The following SSBP3 variants were observed in gnomAD, a reference collection of about 807,000 sequenced individuals.
SSBP3 encodes single-stranded DNA-binding protein 3.
SSBP3 carries 5 observed loss-of-function variants against 69.6 expected under a neutral mutation model. The ratio of observed to expected loss-of-function variants is 0.07; its 90% CI spans 0.04 to 0.15. The LOEUF (loss-of-function observed/expected upper bound fraction) is 0.15, where lower values mean the gene tolerates loss of function less well. SSBP3 is among the 10% of genes least tolerant of loss of function. The pLI is 1.00. For synonymous variants in SSBP3, 196 were observed against 193.4 expected (o/e 1.01, Z -0.11); for missense variants, 312 against 534.0 (o/e 0.58, Z 4.10).
At chr1:54,253,249 T>C (rs1644864450) in intron 7 of SSBP3, among the ~76,000 whole-genome samples, 1 of 149,938 alleles carries the variant, frequency 6.7e-6, no homozygotes, top group Non-Finnish European at 1.5e-5. Context: ...TGGAATGCAG[T>C]AGTGTGATCA....
rs747409086 is a variant in SSBP3 at position 54,362,357 on chromosome 1, TC to T, written c.276+39503del. The stretch of plus-strand genomic sequence containing the variant: ...GCCAGCATCCTTTGAGACAGAGCAG[TC>T]CCCAGGGTCTCTCTCTCCACAAACC... On this transcript the variant is annotated intron_variant, in intron 4 of 17. Transcript: ENST00000610401. Among the ~76,000 whole-genome samples the T allele has an allele frequency of 6.6e-5, 10 of 152,092 alleles. 1 individual carries two copies. The highest frequency in any genetic ancestry group is 5.9e-4 in the Admixed American group (9 of 15,268).
chr1:54,401,520 T>C (rs1267025912), intron 4 of SSBP3, among the ~76,000 whole-genome samples: 1 of 152,212 alleles, frequency 6.6e-6, no homozygotes, highest in Non-Finnish European at 1.5e-5. Flanking sequence ...CAATTTCTTC[T>C]TAAACCAACA....
intron 4 of SSBP3, among the ~76,000 whole-genome samples, chr1:54,298,529 G>C (rs1198056954): frequency 6.6e-6 from 1 of 152,202 alleles, no homozygotes; most frequent in Non-Finnish European, 1.5e-5. Flanking sequence ...CCCGGCTCCA[G>C]GAGAAAGCTG....
intron 3 of SSBP3, among the ~76,000 whole-genome samples, chr1:54,404,244 CTAAT>C (rs1393712519): frequency 6.6e-6 from 1 of 152,202 alleles, no homozygotes; most frequent in South Asian, 2.1e-4. Context: ...CCCCACTCCT[CTAAT>C]TAAAGCAACA....
At chr1:54,326,701 A>C (rs1468889036) in intron 4 of SSBP3, among the ~76,000 whole-genome samples, 1 of 152,096 alleles carries the variant, frequency 6.6e-6, no homozygotes, top group East Asian at 1.9e-4. Context: ...CGTTCCACCC[A>C]TTGCCCTTGT....
intron 4 of SSBP3, among the ~76,000 whole-genome samples, chr1:54,316,808 C>T (rs746028232): frequency 5.3e-5 from 8 of 151,910 alleles, no homozygotes; most frequent in Non-Finnish European, 1.0e-4. Flanking sequence ...AAATGTATTG[C>T]TCACAGTTCC....
chr1:54,387,547 C>T (rs761254680), intron 4 of SSBP3, among the ~76,000 whole-genome samples: 21 of 152,002 alleles, frequency 1.4e-4, no homozygotes, highest in Non-Finnish European at 2.8e-4. Flanking sequence ...GGGAAAAACA[C>T]GTCTGTTTCT....
exon 1 of SSBP3, chr1:54,406,095 C>G: frequency 9.0e-7 from 1 of 1,108,512 alleles, no homozygotes; most frequent in South Asian, 1.9e-5. Flanking sequence ...CCCCTCGCTC[C>G]CGGCCCCCTC....
At chr1:54,297,197 T>C (rs1239169538) in intron 4 of SSBP3, among the ~76,000 whole-genome samples, 1 of 152,210 alleles carries the variant, frequency 6.6e-6, no homozygotes, top group Non-Finnish European at 1.5e-5. Flanking sequence ...TAACCCTGAA[T>C]CAGGTCCTTT....
chr1:54,230,015 G>C (rs1557436677), intron 14 of SSBP3, among the ~76,000 whole-genome samples: 1 of 152,260 alleles, frequency 6.6e-6, no homozygotes, highest in Admixed American at 6.5e-5. Context: ...AATCTGGGCA[G>C]GCAGAGCCCA....
intron 4 of SSBP3, among the ~76,000 whole-genome samples, chr1:54,401,599 G>A (rs2100813864): frequency 6.6e-6 from 1 of 152,224 alleles, no homozygotes; most frequent in East Asian, 1.9e-4. Context: ...TCTGAGTCCT[G>A]TACAACACCA....
chr1:54,407,997 A>G (rs1013872693), upstream of SSBP3, among the ~76,000 whole-genome samples: 1 of 152,164 alleles, frequency 6.6e-6, no homozygotes, highest in African/African-American at 2.4e-5. Flanking sequence ...GCCCCGCAGC[A>G]AAAGAATCTG....
intron 4 of SSBP3, among the ~76,000 whole-genome samples, chr1:54,368,801 A>G (rs1225670177): frequency 1.3e-5 from 2 of 152,202 alleles, no homozygotes; most frequent in African/African-American, 4.8e-5. Flanking sequence ...CACCCTGGAT[A>G]TGGCAGGGAG....
At chr1:54,238,564 G>A (rs1434360636) in intron 14 of SSBP3, 2 of 346,196 alleles carry the variant, frequency 5.8e-6, no homozygotes, top group Non-Finnish European at 1.2e-5. Flanking sequence ...GACACAGGAG[G>A]AAGTGGGGCA....
chr1:54,316,660 T>TAAAA (rs1329947274), intron 4 of SSBP3, among the ~76,000 whole-genome samples: 1 of 27,600 alleles, frequency 3.6e-5, no homozygotes, highest in African/African-American at 1.6e-4. Flanking sequence ...AAAAAAAAAA[T>TAAAA]AAAATAAATA....
At chr1:54,340,643 G>A (rs1251964169) in intron 4 of SSBP3, among the ~76,000 whole-genome samples, 1 of 152,242 alleles carries the variant, frequency 6.6e-6, no homozygotes, top group Non-Finnish European at 1.5e-5. Flanking sequence ...TACCTTTCCA[G>A]GATCCTCAGT....
chr1:54,261,851 G>A (rs1201312088), intron 5 of SSBP3, among the ~76,000 whole-genome samples: 1 of 152,132 alleles, frequency 6.6e-6, no homozygotes, highest in Admixed American at 6.5e-5. Context: ...AGATGCTTAG[G>A]GAGAACGGCA....
intron 4 of SSBP3, chr1:54,326,497 C>T (rs1184744592): frequency 1.3e-5 from 2 of 152,276 alleles, no homozygotes; most frequent in African/African-American, 2.4e-5. Context: ...CTGCCCCAAG[C>T]TTATTCTATT....
At chr1:54,239,346 T>C (rs1644562538) in intron 13 of SSBP3, 147 bp from the exon 14 acceptor site, 6 of 659,268 alleles carry the variant, frequency 9.1e-6, no homozygotes, top group Non-Finnish European at 1.3e-5. Context: ...TTGTATTTAA[T>C]GAAGATTCAC....
Sources: gnomAD v4.1 joint callset for allele counts (sites outside exome capture counted in the v4.1 genomes callset) on GRCh38, gnomAD v4.1.1 for gene constraint, MANE v1.5 for transcripts, NCBI Gene and HGNC (gene_info 2026-07-23, HGNC 2026-07-21) for gene names.